Variants in GRM5 observed in about 807,000 individuals in gnomAD.
The protein encoded by GRM5 is metabotropic glutamate receptor 5.
In GRM5, 19 loss-of-function variants were observed where a neutral mutation model predicts 83.1. The observed-to-expected ratio is 0.23, with a 90% CI of 0.16 to 0.34. The LOEUF is 0.34. Ranked by LOEUF, GRM5 falls within the 10% of genes least tolerant of loss-of-function variation. The pLI is 1.00. For missense variants in GRM5, 1,160 were observed against 1,588.3 expected (o/e 0.73, Z 4.58); for synonymous variants, 675 against 633.6 (o/e 1.07, Z -0.98).
chr11:88,998,110 A>AGAAG (rs563760696), intron 2 of GRM5, among the ~76,000 whole-genome samples: 5 of 151,072 alleles, frequency 3.3e-5, no homozygotes, highest in Admixed American at 2.0e-4. Context: ...CGAGCAGTAA[A>AGAAG]GAAGGAAGGA....
intron 2 of GRM5, among the ~76,000 whole-genome samples, chr11:88,997,333 T>TAAAAAAAAAAAAA (rs371168643): frequency 8.3e-6 from 1 of 119,880 alleles, no homozygotes; most frequent in Non-Finnish European, 1.8e-5. Context: ...GTCTCAAAAT[T>TAAAAAAAAAAAAA]AAAAAAAAAA....
At chr11:88,955,539 T>C (rs1319280105) in intron 2 of GRM5, among the ~76,000 whole-genome samples, 1 of 152,228 alleles carries the variant, frequency 6.6e-6, no homozygotes, top group Non-Finnish European at 1.5e-5. Context: ...TTGCCATATT[T>C]ATTTCTCCAC....
At chr11:89,054,621 G>A (rs557104326) in intron 1 of GRM5, among the ~76,000 whole-genome samples, 6 of 152,126 alleles carry the variant, frequency 3.9e-5, no homozygotes, top group Non-Finnish European at 7.3e-5. Flanking sequence ...TAGTGCCAGA[G>A]GTTGTGCCCC....
chr11:88,885,780 G>T (rs970466221), intron 2 of GRM5, among the ~76,000 whole-genome samples: 1 of 152,082 alleles, frequency 6.6e-6, no homozygotes, highest in Admixed American at 6.6e-5. Flanking sequence ...ATGAAAAGCA[G>T]CCCCAAATCA....
chr11:88,923,569 G>A (rs1945730849), intron 2 of GRM5, among the ~76,000 whole-genome samples: 1 of 152,014 alleles, frequency 6.6e-6, no homozygotes, highest in Admixed American at 6.6e-5. Flanking sequence ...GGGAGTAGAG[G>A]AAAAGGGGGG....
At chr11:88,666,863 C>T (rs1940057430) in intron 3 of GRM5, among the ~76,000 whole-genome samples, 1 of 152,134 alleles carries the variant, frequency 6.6e-6, no homozygotes, top group Non-Finnish European at 1.5e-5. Context: ...AATTTTTATA[C>T]ATGTTGTCTA....
chr11:88,770,360 A>T (rs915410704), intron 3 of GRM5, among the ~76,000 whole-genome samples: 3 of 152,112 alleles, frequency 2.0e-5, no homozygotes, highest in Non-Finnish European at 2.9e-5. Flanking sequence ...TTATGTATTG[A>T]TATTGTTTCA....
intron 8 of GRM5, among the ~76,000 whole-genome samples, chr11:88,525,741 A>G (rs571578234): frequency 6.6e-6 from 1 of 152,350 alleles, no homozygotes; most frequent in South Asian, 2.1e-4. Context: ...AACACATTAG[A>G]ATCTATTCAG....
At chr11:88,621,525 C>G (rs1294141873) in intron 4 of GRM5, among the ~76,000 whole-genome samples, 1 of 151,906 alleles carries the variant, frequency 6.6e-6, no homozygotes, top group Non-Finnish European at 1.5e-5. Context: ...AAGTTATGAC[C>G]CCACAACAGG....
chr11:88,777,915 G>A (rs1277982793), intron 3 of GRM5, among the ~76,000 whole-genome samples: 2 of 152,278 alleles, frequency 1.3e-5, no homozygotes, highest in Non-Finnish European at 2.9e-5. Flanking sequence ...AGGGGTCAGG[G>A]ACCCACTTAA....
chr11:88,774,013 A>G (rs1942794213), intron 3 of GRM5, among the ~76,000 whole-genome samples: 1 of 152,160 alleles, frequency 6.6e-6, no homozygotes, highest in Non-Finnish European at 1.5e-5. Flanking sequence ...CTTGATGGGG[A>G]TGGCATTGAA....
chr11:88,619,889 G>A (rs1275616685), intron 4 of GRM5, among the ~76,000 whole-genome samples: 1 of 151,872 alleles, frequency 6.6e-6, no homozygotes, highest in Non-Finnish European at 1.5e-5. Context: ...AAACACCACT[G>A]GATAACATAC....
intron 3 of GRM5, among the ~76,000 whole-genome samples, chr11:88,808,594 C>T (rs571717829): frequency 2.6e-4 from 39 of 151,920 alleles, no homozygotes; most frequent in Non-Finnish European, 4.4e-4. Flanking sequence ...GTGAGAATTT[C>T]TCAAAGCCAC....
At chr11:89,061,072 TCATATAA>T (rs1173762157) in intron 1 of GRM5, among the ~76,000 whole-genome samples, 1 of 152,124 alleles carries the variant, frequency 6.6e-6, no homozygotes, top group Admixed American at 6.5e-5. Flanking sequence ...ATCAGCTTTA[TCATATAA>T]CATATATGTA....
At chr11:88,706,950 T>A (rs1249496183) in intron 3 of GRM5, among the ~76,000 whole-genome samples, 1 of 152,100 alleles carries the variant, frequency 6.6e-6, no homozygotes, top group East Asian at 1.9e-4. Context: ...GATTGACATG[T>A]ACACATATTG....
chr11:88,986,399 T>C (rs1939711488), intron 2 of GRM5, among the ~76,000 whole-genome samples: 1 of 152,144 alleles, frequency 6.6e-6, no homozygotes, highest in African/African-American at 2.4e-5. Context: ...TTCCTAGTGG[T>C]GATGGAACAC....
intron 2 of GRM5, among the ~76,000 whole-genome samples, chr11:89,006,237 T>C (rs1361096859): frequency 6.6e-6 from 1 of 152,196 alleles, no homozygotes; most frequent in Non-Finnish European, 1.5e-5. Flanking sequence ...ATACAACTTA[T>C]CTAAGTTTCA....
intron 1 of GRM5, among the ~76,000 whole-genome samples, chr11:89,054,011 T>C (rs964116447): frequency 2.6e-5 from 4 of 152,216 alleles, no homozygotes; most frequent in African/African-American, 9.6e-5. Flanking sequence ...CTGTTTGGAC[T>C]TTAAAAGACT....
intron 3 of GRM5, among the ~76,000 whole-genome samples, chr11:88,773,509 G>A (rs1353959767): frequency 6.6e-6 from 1 of 152,158 alleles, no homozygotes; most frequent in Non-Finnish European, 1.5e-5. Context: ...TGGTGTTTTA[G>A]TCATGAAACC....
Sources: gnomAD v4.1 joint callset for allele counts (sites outside exome capture counted in the v4.1 genomes callset) on GRCh38, gnomAD v4.1.1 for gene constraint, MANE v1.5 for transcripts, NCBI Gene and HGNC (gene_info 2026-07-23, HGNC 2026-07-21) for gene names.